The following SASH1 variants were observed in gnomAD, a reference collection of about 807,000 sequenced individuals.
The protein encoded by SASH1 is SAM and SH3 domain-containing protein 1.
A neutral mutation model predicts 125.2 loss-of-function variants in SASH1; 44 were observed. The observed-to-expected ratio is 0.35, with a 90% CI of 0.28 to 0.45. The LOEUF is 0.45. SASH1 is among the 20% of genes least tolerant of loss of function. SASH1 has a pLI of 1.00. For missense variants in SASH1, 1,426 were observed against 1,614.5 expected, an observed-to-expected ratio of 0.88 and a Z score of 2.00; for synonymous variants, 639 against 649.1, an observed-to-expected ratio of 0.98 and a Z score of 0.24.
chr6:148,461,489 G>A (rs1019673760), intron 4 of SASH1, among the ~76,000 whole-genome samples: 2 of 152,208 alleles, frequency 1.3e-5, no homozygotes, highest in African/African-American at 4.8e-5. Context: ...GTCTCAGCCA[G>A]TGAATTCACA....
intron 1 of SASH1, among the ~76,000 whole-genome samples, chr6:148,358,597 A>G (rs1782047106): frequency 6.6e-6 from 1 of 152,156 alleles, no homozygotes; most frequent in African/African-American, 2.4e-5. Context: ...TTGTACAACT[A>G]GGGATATGGC....
At chr6:148,211,814 G>A in the SASH1 span, among the ~76,000 whole-genome samples, 1 of 152,142 alleles carries the variant, frequency 6.6e-6, no homozygotes, top group African/African-American at 2.4e-5. Flanking sequence ...GCCTGTGACG[G>A]CTGCTCCCTG....
intron 8 of SASH1, among the ~76,000 whole-genome samples, chr6:148,494,445 AT>A (rs1321085187): frequency 6.6e-6 from 1 of 152,184 alleles, no homozygotes; most frequent in Non-Finnish European, 1.5e-5. Flanking sequence ...AAAGCAAGTC[AT>A]CGTTTCATAA....
At chr6:148,303,248 G>A (rs1330688208) in intron 1 of SASH1, among the ~76,000 whole-genome samples, 2 of 152,176 alleles carry the variant, frequency 1.3e-5, no homozygotes, top group Non-Finnish European at 2.9e-5. Context: ...CCACAGTGCT[G>A]CAATTACAGG....
At chr6:148,504,842 G>T (rs558172091) in intron 8 of SASH1, among the ~76,000 whole-genome samples, 1 of 152,266 alleles carries the variant, frequency 6.6e-6, no homozygotes, top group East Asian at 1.9e-4. Context: ...ATAAATACCT[G>T]AATGACTCCC....
intron 2 of SASH1, among the ~76,000 whole-genome samples, chr6:148,407,349 G>GT (rs1160405021): frequency 2.8e-4 from 42 of 151,860 alleles, no homozygotes; most frequent in African/African-American, 8.9e-4. Flanking sequence ...TTTTGTGACT[G>GT]TTTTTTTTCA....
At chr6:148,528,624 C>G (rs1005720445) in intron 12 of SASH1, among the ~76,000 whole-genome samples, 21 of 152,222 alleles carry the variant, frequency 1.4e-4, no homozygotes, top group African/African-American at 4.8e-4. Context: ...TTTGCTCCCC[C>G]ATGGACTCCA....
intron 8 of SASH1, chr6:148,513,759 G>C (rs1461485918): frequency 2.0e-6 from 2 of 985,848 alleles, no homozygotes; most frequent in Non-Finnish European, 2.4e-6. Context: ...AGCCGGGAGA[G>C]GCGGAAGGGC....
chr6:148,530,564 A>C (rs576035852), intron 12 of SASH1, among the ~76,000 whole-genome samples: 1 of 152,318 alleles, frequency 6.6e-6, no homozygotes, highest in East Asian at 1.9e-4. Flanking sequence ...AGATGTTTGC[A>C]GGACCTGCGG....
chr6:148,368,004 G>A (rs969079998), intron 1 of SASH1, among the ~76,000 whole-genome samples: 1 of 152,212 alleles, frequency 6.6e-6, no homozygotes, highest in Non-Finnish European at 1.5e-5. Context: ...CCAGCCATAT[G>A]TTTCCTCAAT....
At chr6:148,545,937 T>TG in intron 18 of SASH1, 78 bp from the exon 19 acceptor site, 4 of 1,399,664 alleles carry the variant, frequency 2.9e-6, no homozygotes, top group Non-Finnish European at 3.9e-6. Context: ...AGACCCTACG[T>TG]TATATGTGGT....
intron 1 of SASH1, among the ~76,000 whole-genome samples, chr6:148,359,795 G>A (rs1782117214): frequency 6.6e-6 from 1 of 152,116 alleles, no homozygotes; most frequent in African/African-American, 2.4e-5. Context: ...GAGTCACTCT[G>A]TTGCCAGGGC....
chr6:148,525,339 G>T lies in SASH1; in HGVS notation c.1258G>T (p.Val420Phe). Residue 420 changes from valine to phenylalanine, a missense_variant, in exon 11 of 20, where the codon GTT becomes TTT. Physicochemically the swap from Val to Phe is conservative, Grantham distance 50. Around this residue, in one of 3 missense-constraint regions of SASH1, gnomAD observed 567 missense variants for 575.6 expected, o/e 0.99. Coordinates refer to ENST00000367467, the MANE Select transcript of SASH1 (RefSeq NM_015278.5). ...GFDLTNRSLH[V>F]GSNNSDPMGK... ...TGACTTGACGAATCGCTCTCTGCAC[G>T]TTGGCAGTAATAATTCTGACCCAAT... The T allele has an allele frequency of 1.9e-6, 3 of 1,614,010 alleles. No individual in the cohort carries two copies. The highest frequency in any genetic ancestry group is 1.7e-6 in the Non-Finnish European group (2 of 1,179,914).
At chr6:148,542,447 C>T (rs910960446) in intron 17 of SASH1, among the ~76,000 whole-genome samples, 4 of 152,014 alleles carry the variant, frequency 2.6e-5, no homozygotes, top group East Asian at 3.9e-4. Context: ...AGTGCAGTGG[C>T]GCGATCTTGG....
At chr6:148,387,079 G>GCTTTCTCCCTCTGTC (rs1783401219) in intron 1 of SASH1, among the ~76,000 whole-genome samples, 2 of 123,398 alleles carry the variant, frequency 1.6e-5, no homozygotes, top group East Asian at 2.1e-4. Context: ...TTCTCCCTCT[G>GCTTTCTCCCTCTGTC]TCTCTCTCTC....
chr6:148,526,932 A>G (rs1041924212), intron 11 of SASH1, among the ~76,000 whole-genome samples: 5 of 148,006 alleles, frequency 3.4e-5, no homozygotes, highest in African/African-American at 1.3e-4. Context: ...GAGTGCAGTG[A>G]CGCGATCTCA....
intron 6 of SASH1, 48 bp downstream of exon 6, chr6:148,471,551 G>A: frequency 4.5e-6 from 5 of 1,119,256 alleles, no homozygotes; most frequent in African/African-American, 1.6e-5. Flanking sequence ...GCTCTAACAT[G>A]GGAAGAATCC....
chr6:148,350,006 C>T (rs1405115228), intron 1 of SASH1, among the ~76,000 whole-genome samples: 2 of 151,990 alleles, frequency 1.3e-5, no homozygotes, highest in African/African-American at 2.4e-5. Flanking sequence ...CCACCACGCC[C>T]GGCTAATTTT....
At chr6:148,211,689 T>C in the SASH1 span, among the ~76,000 whole-genome samples, 33 of 152,246 alleles carry the variant, frequency 2.2e-4, no homozygotes, top group Admixed American at 6.5e-4. Flanking sequence ...ATGCCCAAGT[T>C]CACACAGTAT....
Sources: allele counts gnomAD v4.1 joint callset (sites outside exome capture counted in the v4.1 genomes callset), GRCh38; gene constraint gnomAD v4.1.1; regional missense constraint gnomAD v4.1.1; transcripts MANE v1.5; gene names NCBI Gene and HGNC (gene_info 2026-07-23, HGNC 2026-07-21).